Variants in FRMD6 observed in about 807,000 individuals in gnomAD.
The protein encoded by FRMD6 is FERM domain-containing protein 6.
FRMD6 carries 37 observed loss-of-function variants against 73.2 expected under a neutral mutation model. The ratio of observed to expected loss-of-function variants is 0.51; its 90% CI spans 0.39 to 0.66. FRMD6 has a LOEUF of 0.66. FRMD6 is among the 30% of genes least tolerant of loss of function. The pLI, the probability that FRMD6 is intolerant of heterozygous loss-of-function variation, is 0.00. For synonymous variants in FRMD6, 273 were observed against 282.2 expected (o/e 0.97, Z 0.33); for missense variants, 714 against 780.5 (o/e 0.91, Z 1.02).
At chr14:51,485,354 C>CT (rs1480722804), upstream of FRMD6, among the ~76,000 whole-genome samples, 2 of 152,188 alleles carry the variant, frequency 1.3e-5, no homozygotes, top group Non-Finnish European at 2.9e-5. Context: ...AAGGCCTACC[C>CT]TAATCCAATA....
At chr14:51,573,617 C>T (rs1433299728) in intron 2 of FRMD6, among the ~76,000 whole-genome samples, 1 of 152,186 alleles carries the variant, frequency 6.6e-6, no homozygotes, top group African/African-American at 2.4e-5. Context: ...TGCTGGCATA[C>T]TGAATTCTTA....
chr14:51,546,026 C>T (rs1245539297), intron 1 of FRMD6, among the ~76,000 whole-genome samples: 1 of 152,012 alleles, frequency 6.6e-6, no homozygotes, highest in Non-Finnish European at 1.5e-5. Flanking sequence ...CTATTTTTGT[C>T]TTCCTTAAAA....
the FRMD6 span, among the ~76,000 whole-genome samples, chr14:51,437,948 G>A: frequency 6.6e-6 from 1 of 152,200 alleles, no homozygotes; most frequent in African/African-American, 2.4e-5. Flanking sequence ...CAGAATTCTA[G>A]CTTCTTTTCT....
intron 1 of FRMD6, among the ~76,000 whole-genome samples, chr14:51,560,475 T>G (rs1469804246): frequency 6.6e-6 from 1 of 152,136 alleles, no homozygotes; most frequent in Non-Finnish European, 1.5e-5. Flanking sequence ...TCCTTTGCAT[T>G]GATCCTACTT....
the FRMD6 span, among the ~76,000 whole-genome samples, chr14:51,406,151 T>C: frequency 4.4e-4 from 67 of 152,032 alleles, no homozygotes; most frequent in African/African-American, 1.5e-3. Context: ...AGGTGAGCGG[T>C]CTTATTTTTA....
chr14:51,569,220 A>G (rs1596621204), intron 1 of FRMD6, among the ~76,000 whole-genome samples: 1 of 152,168 alleles, frequency 6.6e-6, no homozygotes, highest in African/African-American at 2.4e-5. Context: ...CCTCTCAGAC[A>G]TTTCTGTATG....
intron 1 of FRMD6, among the ~76,000 whole-genome samples, chr14:51,531,038 G>C (rs1364782220): frequency 6.6e-6 from 1 of 152,164 alleles, no homozygotes. Flanking sequence ...AAGAGGGTGA[G>C]GGAGAGCAAA....
intron 1 of FRMD6, among the ~76,000 whole-genome samples, chr14:51,547,254 A>G (rs1335801685): frequency 6.6e-6 from 1 of 152,138 alleles, no homozygotes; most frequent in Non-Finnish European, 1.5e-5. Context: ...AAAACCCTCT[A>G]CCCTAGAGTC....
intron 2 of FRMD6, among the ~76,000 whole-genome samples, chr14:51,589,040 T>C (rs185972725): frequency 2.0e-5 from 3 of 152,306 alleles, no homozygotes; most frequent in Non-Finnish European, 2.9e-5. Flanking sequence ...TACCTCACAG[T>C]TGATAATGGG....
chr14:51,673,485 C>A (rs1894168199), intron 1 of FRMD6, among the ~76,000 whole-genome samples: 1 of 152,122 alleles, frequency 6.6e-6, no homozygotes, highest in African/African-American at 2.4e-5. Context: ...TCACTGTGGA[C>A]CAAAACTGCC....
At chr14:51,569,855 G>A (rs925405084) in intron 1 of FRMD6, among the ~76,000 whole-genome samples, 7 of 149,608 alleles carry the variant, frequency 4.7e-5, no homozygotes, top group African/African-American at 7.4e-5. Context: ...TGGCTCTGTC[G>A]CCCAGGCTGG....
At chr14:51,672,022 T>C (rs1273016888) in intron 1 of FRMD6, among the ~76,000 whole-genome samples, 1 of 152,188 alleles carries the variant, frequency 6.6e-6, no homozygotes, top group Non-Finnish European at 1.5e-5. Context: ...CATTGGAAAT[T>C]TTAAAGAAAT....
the FRMD6 span, among the ~76,000 whole-genome samples, chr14:51,413,350 C>T: frequency 6.6e-6 from 1 of 152,270 alleles, no homozygotes; most frequent in African/African-American, 2.4e-5. Flanking sequence ...TGATGTTCCC[C>T]ACCCTGTGTC....
chr14:51,536,163 T>C (rs1333873403), intron 1 of FRMD6, among the ~76,000 whole-genome samples: 2 of 150,084 alleles, frequency 1.3e-5, no homozygotes, highest in Non-Finnish European at 3.0e-5. Context: ...AGTGTAATCA[T>C]GAATCACTGC....
intron 5 of FRMD6, among the ~76,000 whole-genome samples, 180 bp downstream of exon 5, chr14:51,702,768 CAG>C (rs1302121041): frequency 6.6e-6 from 1 of 151,896 alleles, no homozygotes; most frequent in Non-Finnish European, 1.5e-5. Flanking sequence ...GTCCCTAAAA[CAG>C]AGATACAATA....
At chr14:51,496,064 C>T (rs1017046880) in intron 1 of FRMD6, among the ~76,000 whole-genome samples, 1 of 152,174 alleles carries the variant, frequency 6.6e-6, no homozygotes, top group African/African-American at 2.4e-5. Flanking sequence ...GAAGATGTAG[C>T]AGCTTCCATC....
At chr14:51,589,177 G>A (rs1889228242) in intron 2 of FRMD6, among the ~76,000 whole-genome samples, 1 of 152,112 alleles carries the variant, frequency 6.6e-6, no homozygotes, top group South Asian at 2.1e-4. Flanking sequence ...TCCAAAAAGA[G>A]TTTTTAGTCC....
In FRMD6 at chr14:51,715,398, T is replaced by C; in HGVS notation, c.923T>C (p.Met308Thr). The C allele has an allele frequency of 2.5e-6, 4 of 1,613,768 alleles. No individual in the cohort carries two copies. Among genetic ancestry groups the C allele is most frequent in the Non-Finnish European group, 3.4e-6 (4 of 1,179,798 alleles). ...CTCATATACTACACGGGGTGCCCCA[T>C]GCGCTCCAGACACCTCCTGCAACTT... ...RKLIYYTGCP[M>T]RSRHLLQLLS... is the part of the protein sequence containing the mutation. The change falls in exon 10 of 14, where the codon ATG (methionine) becomes ACG (threonine). Residue 308 changes from methionine (M) to threonine (T), a missense_variant. Transcript: ENST00000344768.
chr14:51,504,375 C>A (rs1395090953), intron 1 of FRMD6, among the ~76,000 whole-genome samples: 1 of 152,216 alleles, frequency 6.6e-6, no homozygotes, highest in African/African-American at 2.4e-5. Context: ...CTAGAGACCC[C>A]TGTTGGGAGG....
Sources: gnomAD v4.1 joint callset for allele counts (sites outside exome capture counted in the v4.1 genomes callset) on GRCh38, gnomAD v4.1.1 for gene constraint, MANE v1.5 for transcripts, NCBI Gene and HGNC (gene_info 2026-07-23, HGNC 2026-07-21) for gene names.